TMPRSS11F: variants seen among roughly 807,000 people sequenced by gnomAD.
TMPRSS11F encodes the protein transmembrane protease serine 11F.
In TMPRSS11F, 47 loss-of-function variants were observed where a neutral mutation model predicts 60.2. That is an observed-to-expected ratio of 0.78 (90% CI 0.62 to 1.00). The LOEUF (loss-of-function observed/expected upper bound fraction) is 1.00, where lower values mean the gene tolerates loss of function less well. TMPRSS11F is among the 50% of genes least tolerant of loss of function. The pLI is 0.00. For missense variants in TMPRSS11F, 519 were observed against 522.9 expected (o/e 0.99, Z 0.07); for synonymous variants, 166 against 167.3 (o/e 0.99, Z 0.06).
intron 1 of TMPRSS11F, among the ~76,000 whole-genome samples, chr4:68,126,741 T>A (rs1303974179): frequency 6.6e-6 from 1 of 152,128 alleles, no homozygotes; most frequent in East Asian, 1.9e-4. Context: ...GAAAACAAAT[T>A]AGCATACAAA....
intron 1 of TMPRSS11F, among the ~76,000 whole-genome samples, chr4:68,123,904 CTTATAT>C (rs1228528038): frequency 6.6e-6 from 1 of 152,074 alleles, no homozygotes; most frequent in Non-Finnish European, 1.5e-5. Flanking sequence ...TCACAAATAA[CTTATAT>C]TTAATCTATT....
Position 68,095,446 on chromosome 4 carries a change from A to G in TMPRSS11F, c.163+3441T>C, listed in dbSNP as rs188614315. On this transcript the variant is annotated intron_variant, in intron 2 of 9. Coordinates refer to ENST00000356291, the MANE Select transcript of TMPRSS11F (RefSeq NM_207407.2). The stretch of plus-strand genomic sequence containing the variant: ...CTCTACATCATTGTAGAACAGATAA[A>G]TGCAAATTAAGATTATGAGGATAAT... 2.0e-3 allele frequency among the ~76,000 whole-genome samples: 305 copies of G among 152,300 alleles called. 1 individual carries two copies. The highest frequency in any genetic ancestry group is 7.0e-3 in the African/African-American group (293 of 41,568).
intron 5 of TMPRSS11F, among the ~76,000 whole-genome samples, chr4:68,071,207 A>C (rs1400572846): frequency 4.6e-5 from 7 of 152,212 alleles, no homozygotes; most frequent in African/African-American, 1.7e-4. Flanking sequence ...TTGGAATATA[A>C]TTGATTAACA....
intron 3 of TMPRSS11F, among the ~76,000 whole-genome samples, chr4:68,082,929 C>G (rs1723736190): frequency 6.6e-6 from 1 of 152,230 alleles, no homozygotes; most frequent in Admixed American, 6.5e-5. Context: ...GCCCAGTGAT[C>G]TGGGTACAGA....
At position 68,076,933 on chromosome 4, in the gene TMPRSS11F, T is replaced by TAC. The variant is rs146836720; in HGVS notation, c.283-2926_283-2925dup. On this transcript the variant is annotated intron_variant, in intron 3 of 9. Transcript: ENST00000356291. ...AACAGTAAAACACTTGCTGCAAGTGTACACACACTGGCACACAGGAGAACA... is the reference window on the plus strand; with the variant it reads ...AACAGTAAAACACTTGCTGCAAGTGTACACACACACTGGCACACAGGAGAACA... 8.9e-3 allele frequency among the ~76,000 whole-genome samples: 1,359 copies of TAC among 152,230 alleles called. 18 individuals carry two copies. The highest frequency in any genetic ancestry group is 0.032 in the African/African-American group (1,313 of 41,514).
chr4:68,072,080 G>A (rs1160297822), intron 5 of TMPRSS11F, among the ~76,000 whole-genome samples: 1 of 149,926 alleles, frequency 6.7e-6, no homozygotes, highest in East Asian at 2.0e-4. Context: ...CATATGATAT[G>A]GAAAAAAGTT....
At chr4:68,105,844 T>C (rs1388097029) in intron 1 of TMPRSS11F, among the ~76,000 whole-genome samples, 1 of 152,136 alleles carries the variant, frequency 6.6e-6, no homozygotes, top group African/African-American at 2.4e-5. Context: ...ATAAAGAATA[T>C]AAACCTATCA....
chr4:68,109,626 C>A (rs764831133), intron 1 of TMPRSS11F, among the ~76,000 whole-genome samples: 10 of 152,170 alleles, frequency 6.6e-5, no homozygotes, highest in Middle Eastern at 3.4e-3. Context: ...TATATTAGTT[C>A]AACTTAGTAA....
intron 2 of TMPRSS11F, among the ~76,000 whole-genome samples, chr4:68,091,783 CTATCTATCTA>C (rs778400823): frequency 3.3e-4 from 18 of 54,566 alleles, no homozygotes; most frequent in African/African-American, 1.2e-3. Flanking sequence ...CTCTCTCTCT[CTATCTATCTA>C]TCTATCTTTT....
intron 1 of TMPRSS11F, 143 bp from the exon 2 acceptor site, chr4:68,099,181 T>A: frequency 1.6e-6 from 1 of 632,180 alleles, no homozygotes; most frequent in Non-Finnish European, 2.5e-6. Context: ...CAGTAGGTTT[T>A]AATTTGCATA....
rs1434372450 is a variant in TMPRSS11F at position 68,090,534 on chromosome 4, T to C, written c.271A>G (p.Ile91Val). The C allele has an allele frequency of 6.3e-7, 1 of 1,586,266 alleles. No homozygotes were observed. The highest frequency in any genetic ancestry group is 1.9e-5 in the Admixed American group (1 of 52,606). Residue 91 changes from isoleucine to valine, a missense_variant, in exon 3 of 10, where the codon ATT becomes GTT. Physicochemically the swap from Ile to Val is conservative, Grantham distance 29 (BLOSUM62 3). Transcript: ENST00000356291. Reference sequence around the variant, plus strand: ...TCTGTTGAGCTTACCATTCTTTCAATCTGATGACTCCTTTCTATAAACTCT... The same window carrying C: ...TCTGTTGAGCTTACCATTCTTTCAACCTGATGACTCCTTTCTATAAACTCT... Reference protein sequence around the residue: ...SREFIERSHQIERMMSRIFRH... With the variant: ...SREFIERSHQVERMMSRIFRH...
chr4:68,063,133 T>C (rs1460366273), intron 8 of TMPRSS11F: 3 of 619,076 alleles, frequency 4.8e-6, no homozygotes, highest in African/African-American at 3.7e-5. Flanking sequence ...TGCTTATTAA[T>C]ATAGAGAAAA....
At chr4:68,116,741 TA>T (rs1724528311) in intron 1 of TMPRSS11F, among the ~76,000 whole-genome samples, 1 of 152,200 alleles carries the variant, frequency 6.6e-6, no homozygotes, top group South Asian at 2.1e-4. Context: ...ACACAATGTA[TA>T]AAAGATAGTG....
At chr4:68,057,664 C>G (rs112276184) in intron 9 of TMPRSS11F, among the ~76,000 whole-genome samples, 1 of 151,854 alleles carries the variant, frequency 6.6e-6, no homozygotes, top group African/African-American at 2.4e-5. Context: ...TAGCAAAAAA[C>G]AAAACAAACA....
chr4:68,094,764 A>G (rs1287540534), intron 2 of TMPRSS11F, among the ~76,000 whole-genome samples: 1 of 151,962 alleles, frequency 6.6e-6, no homozygotes, highest in Non-Finnish European at 1.5e-5. Flanking sequence ...CCAAACTTCA[A>G]AAACAGCTTT....
chr4:68,104,728 T>C (rs1724265795), intron 1 of TMPRSS11F, among the ~76,000 whole-genome samples: 1 of 152,162 alleles, frequency 6.6e-6, no homozygotes, highest in Non-Finnish European at 1.5e-5. Flanking sequence ...CAAGAAATAA[T>C]GTTGAACTTT....
At chr4:68,064,628 A>G (rs1447910631) in intron 8 of TMPRSS11F, 57 bp downstream of exon 8, 2 of 1,564,302 alleles carry the variant, frequency 1.3e-6, no homozygotes, top group African/African-American at 2.7e-5. Context: ...TAAGATAGAT[A>G]GCTCGTTTGA....
chr4:68,081,641 G>T (rs77075559), intron 3 of TMPRSS11F, among the ~76,000 whole-genome samples: 6,153 of 152,230 alleles, frequency 0.04, 374 homozygotes, highest in African/African-American at 0.13. Flanking sequence ...TTAATCACAC[G>T]AGCAAGTCTC....
Position 68,058,832 on chromosome 4 carries a change from C to T in TMPRSS11F, c.1158+494G>A, listed in dbSNP as rs142205892. On this transcript the variant is annotated intron_variant, in intron 9 of 9. Coordinates refer to ENST00000356291, the MANE Select transcript of TMPRSS11F (RefSeq NM_207407.2). ...TCAAAAAGGAAGATGCAAATGAGCACTTTTGGAGTGGAGTAGTTTTTGATA... is the reference window on the plus strand; with the variant it reads ...TCAAAAAGGAAGATGCAAATGAGCATTTTTGGAGTGGAGTAGTTTTTGATA... 1.7e-3 allele frequency among the ~76,000 whole-genome samples: 254 copies of T among 152,218 alleles called. 2 individuals are homozygous for T. The highest frequency in any genetic ancestry group is 6.0e-3 in the African/African-American group (248 of 41,520).
Sources: allele counts gnomAD v4.1 joint callset (sites outside exome capture counted in the v4.1 genomes callset), GRCh38; gene constraint gnomAD v4.1.1; transcripts MANE v1.5; gene names NCBI Gene and HGNC (gene_info 2026-07-23, HGNC 2026-07-21).